OR1M1: variants seen among roughly 807,000 people sequenced by gnomAD.
The protein encoded by OR1M1 is olfactory receptor family 1 subfamily M member 1, also known as olfactory receptor 1M1.
For missense variants in OR1M1, 397 were observed against 401.8 expected, an observed-to-expected ratio of 0.99 and a Z score of 0.10; for synonymous variants, 157 against 165.5, an observed-to-expected ratio of 0.95 and a Z score of 0.39.
At chr19:9,091,372 T>G (rs1029470810) in intron 1 of OR1M1, among the ~76,000 whole-genome samples, 2 of 152,020 alleles carry the variant, frequency 1.3e-5, no homozygotes, top group Non-Finnish European at 2.9e-5. Context: ...TTGTTTATTT[T>G]AATTCCAATT....
intron 1 of OR1M1, among the ~76,000 whole-genome samples, chr19:9,091,195 T>A (rs2050291193): frequency 6.6e-6 from 1 of 151,574 alleles, no homozygotes; most frequent in Non-Finnish European, 1.5e-5. Flanking sequence ...AAATAAAAAA[T>A]GGAAAGTTCA....
rs112766830 is a variant in OR1M1 at position 9,093,037 on chromosome 19, C to CTATA, written c.-13-182_-13-179dup. 11 of 259,312 alleles carry CTATA rather than the reference C, an allele frequency of 4.2e-5. 1 individual carries two copies. The highest frequency in any genetic ancestry group is 6.3e-5 in the Non-Finnish European group (9 of 142,404). 16.1% of individuals were successfully genotyped at this position (259,312 alleles called of 1,614,324 possible). On this transcript the variant is annotated intron_variant, in intron 1 of 1. Transcript: ENST00000641627. ...ACATATATTCTCTCTCTCTCTCTCT[C>CTATA]TATATATATATATATACACACACAC... is the stretch of plus-strand genomic sequence containing the variant.
At chr19:9,091,624 A>C (rs1436322142) in intron 1 of OR1M1, among the ~76,000 whole-genome samples, 4 of 151,766 alleles carry the variant, frequency 2.6e-5, no homozygotes, top group Non-Finnish European at 4.4e-5. Flanking sequence ...GTGCCACTGC[A>C]CTCCAGCCTA....
chr19:9,093,832 G>T lies in OR1M1; in HGVS notation c.588G>T (p.Arg196Ser). Residue 196 changes from arginine (R) to serine (S), a missense_variant, in exon 2 of 2, where the codon AGG (arginine) becomes AGT (serine). Transcript: ENST00000641627. ...RLSCTDTSVN[R>S]IFILIVAGMV... ...CGTGCACGGACACCTCTGTGAATAG[G>T]ATCTTCATCCTCATTGTGGCAGGGA... is the stretch of plus-strand genomic sequence containing the variant. The T allele has an allele frequency of 6.2e-7, 1 of 1,614,038 alleles. No homozygotes were observed. Among genetic ancestry groups the T allele is most frequent in the South Asian group, 1.1e-5 (1 of 91,072 alleles).
At chr19:9,089,145 A>G (rs1390300793) in intron 1 of OR1M1, among the ~76,000 whole-genome samples, 1 of 152,020 alleles carries the variant, frequency 6.6e-6, no homozygotes, top group Non-Finnish European at 1.5e-5. Flanking sequence ...TTATTCTTCC[A>G]ATTTGCCTGT....
Position 9,093,979 on chromosome 19 carries a change from G to C in OR1M1, c.735G>C (p.Leu245=), listed in dbSNP as rs1255180382. Residue 245 remains leucine, a synonymous_variant, in exon 2 of 2, where the codon CTG becomes CTC. Coordinates refer to ENST00000641627, the MANE Select transcript of OR1M1 (RefSeq NM_001004456.2). Reference sequence around the variant, plus strand: ...CCTTCTCCACCTGCAGCTCCCACCTGTCTGTGGTTGCTCTCTTCTATGGGA... The same window carrying C: ...CCTTCTCCACCTGCAGCTCCCACCTCTCTGTGGTTGCTCTCTTCTATGGGA... ...KKAFSTCSSH[L]SVVALFYGTT... 2.5e-6 allele frequency: 4 copies of C among 1,614,152 alleles called. No homozygotes were observed. Among genetic ancestry groups the C allele is most frequent in the Admixed American group, 1.7e-5 (1 of 60,012 alleles).
chr19:9,090,133 C>A (rs1048605860), intron 1 of OR1M1, among the ~76,000 whole-genome samples: 1 of 152,102 alleles, frequency 6.6e-6, no homozygotes, highest in African/African-American at 2.4e-5. Flanking sequence ...CTGATTCATG[C>A]GTATATGGAA....
chr19:9,089,570 C>A (rs1485727715), intron 1 of OR1M1, among the ~76,000 whole-genome samples: 3 of 151,876 alleles, frequency 2.0e-5, no homozygotes. Context: ...ATTACAGGGG[C>A]CCACCACTAC....
intron 1 of OR1M1, among the ~76,000 whole-genome samples, chr19:9,087,592 C>G (rs866664384): frequency 6.6e-6 from 1 of 152,128 alleles, no homozygotes; most frequent in Non-Finnish European, 1.5e-5. Flanking sequence ...GCTGGGATTA[C>G]AGGCATACAC....
At chr19:9,090,234 G>A (rs1057261834) in intron 1 of OR1M1, among the ~76,000 whole-genome samples, 1 of 152,162 alleles carries the variant, frequency 6.6e-6, no homozygotes, top group African/African-American at 2.4e-5. Context: ...ATGTCTTGAG[G>A]ACAGGGTCTG....
rs748284523 is a variant in OR1M1, at chr19:9,093,760, T to C, written c.516T>C (p.His172=). The C allele has an allele frequency of 1.1e-4, 177 of 1,613,738 alleles. No homozygotes were observed. The highest frequency in any genetic ancestry group is 1.4e-4 in the Non-Finnish European group (170 of 1,180,008). ...CCCGTCTCGTTTTCTGCGGCAGCCA[T>C]GAGGTGCCTCACTACTTCTGCGACC... ...LMARLVFCGS[H]EVPHYFCDLT... Residue 172 remains histidine (H), a synonymous_variant, in exon 2 of 2, where the codon CAT becomes CAC. Transcript: ENST00000641627.
At chr19:9,089,468 G>A (rs150266094) in intron 1 of OR1M1, among the ~76,000 whole-genome samples, 2,714 of 142,648 alleles carry the variant, frequency 0.019, 39 homozygotes, top group Middle Eastern at 0.1. Flanking sequence ...TTGTCACCCC[G>A]GCTGGAGTGC....
intron 1 of OR1M1, among the ~76,000 whole-genome samples, chr19:9,088,138 G>A (rs748548134): frequency 1.7e-4 from 26 of 152,076 alleles, no homozygotes; most frequent in Admixed American, 1.0e-3. Flanking sequence ...TGATCCACCC[G>A]CCTCAGCCTC....
intron 1 of OR1M1, among the ~76,000 whole-genome samples, chr19:9,087,510 G>A (rs1396231562): frequency 6.6e-6 from 1 of 151,928 alleles, no homozygotes; most frequent in Non-Finnish European, 1.5e-5. Flanking sequence ...GGAGTGCAAT[G>A]GCACGATCTT....
chr19:9,093,180 T>G (rs2050303837), intron 1 of OR1M1, 52 bp from the exon 2 acceptor site: 1 of 1,192,514 alleles, frequency 8.4e-7, no homozygotes, highest in African/African-American at 1.5e-5. Context: ...CATCTAACTT[T>G]CCAAAACCAT....
chr19:9,091,286 C>T (rs867278556), intron 1 of OR1M1, among the ~76,000 whole-genome samples: 18 of 151,264 alleles, frequency 1.2e-4, no homozygotes, highest in African/African-American at 4.4e-4. Context: ...GTCAGGCGTT[C>T]GAGACCAGCC....
chr19:9,091,750 G>A (rs921911122), intron 1 of OR1M1, among the ~76,000 whole-genome samples: 1 of 152,124 alleles, frequency 6.6e-6, no homozygotes, highest in African/African-American at 2.4e-5. Context: ...AGGTAGAAAG[G>A]AGGAAGACTG....
intron 1 of OR1M1, among the ~76,000 whole-genome samples, chr19:9,088,659 G>A (rs1343970052): frequency 2.6e-5 from 4 of 152,074 alleles, no homozygotes; most frequent in African/African-American, 7.2e-5. Context: ...GCCGAGGCGG[G>A]CGGATCACCT....
intron 1 of OR1M1, among the ~76,000 whole-genome samples, chr19:9,087,653 G>A (rs1298422738): frequency 2.6e-5 from 4 of 152,084 alleles, no homozygotes; most frequent in African/African-American, 9.7e-5. Flanking sequence ...GTTTCACCAT[G>A]TTGGTCAGGC....
Sources: gnomAD v4.1 joint callset for allele counts (sites outside exome capture counted in the v4.1 genomes callset) on GRCh38, gnomAD v4.1.1 for gene constraint, MANE v1.5 for transcripts, NCBI Gene and HGNC (gene_info 2026-07-23, HGNC 2026-07-21) for gene names.